LHPP: variants seen among roughly 807,000 people sequenced by gnomAD.
LHPP encodes the protein hLHPP.
Under a neutral mutation model 30.3 loss-of-function variants are expected in LHPP, and 24 were observed. The ratio of observed to expected loss-of-function variants is 0.79; its 90% confidence interval spans 0.57 to 1.11. LHPP has a LOEUF of 1.11. LHPP is among the 50% of genes most tolerant of loss of function. The pLI, the probability that LHPP is intolerant of heterozygous loss-of-function variation, is 0.00. For missense variants in LHPP, 356 were observed against 367.2 expected, an observed-to-expected ratio of 0.97 and a Z score of 0.25; for synonymous variants, 150 against 157.1, an observed-to-expected ratio of 0.95 and a Z score of 0.34.
intron 6 of LHPP, among the ~76,000 whole-genome samples, chr10:124,530,597 T>C (rs996100897): frequency 6.6e-6 from 1 of 151,782 alleles, no homozygotes; most frequent in Non-Finnish European, 1.5e-5. Context: ...AGGCCACACA[T>C]GTGGGCCTGC....
At chr10:124,580,971 G>A (rs756655281) in intron 6 of LHPP, among the ~76,000 whole-genome samples, 13 of 152,092 alleles carry the variant, frequency 8.5e-5, no homozygotes, top group Admixed American at 1.3e-4. Context: ...GGATCCACCC[G>A]CCTTGGCCTC....
chr10:124,611,823 A>G (rs1359743910), intron 6 of LHPP, among the ~76,000 whole-genome samples: 2 of 152,146 alleles, frequency 1.3e-5, no homozygotes, highest in East Asian at 1.9e-4. Flanking sequence ...AACCAACTTC[A>G]AGCACTTCCT....
intron 3 of LHPP, among the ~76,000 whole-genome samples, chr10:124,491,818 G>A (rs766036701): frequency 9.2e-5 from 14 of 152,132 alleles, no homozygotes; most frequent in South Asian, 2.1e-4. Context: ...CCAGCTACTC[G>A]GGAGGCTGAC....
At chr10:124,565,563 C>T (rs561977777) in intron 6 of LHPP, among the ~76,000 whole-genome samples, 9 of 152,308 alleles carry the variant, frequency 5.9e-5, no homozygotes, top group Admixed American at 3.3e-4. Flanking sequence ...ATCACTCTGA[C>T]CCTGTGCCCT....
chr10:124,597,666 G>A (rs74160943), intron 6 of LHPP, among the ~76,000 whole-genome samples: 1,869 of 152,144 alleles, frequency 0.012, 35 homozygotes, highest in African/African-American at 0.042. Flanking sequence ...CATGTGGTTT[G>A]GCCTGAAAAA....
At position 124,548,607 on chromosome 10, in the gene LHPP, C is replaced by T. The variant is rs147452056; in HGVS notation, c.716+31336C>T. On this transcript the variant is annotated intron_variant, in intron 6 of 6. Coordinates refer to ENST00000368842, the MANE Select transcript of LHPP (RefSeq NM_022126.4). ...CTGGGGTTCCTGGCTTTGGCCTGCACGGCTGGGTGGGAGGAGGGCATGGGA... is the reference window on the plus strand; with the variant it reads ...CTGGGGTTCCTGGCTTTGGCCTGCATGGCTGGGTGGGAGGAGGGCATGGGA... Among the ~76,000 whole-genome samples the T allele has an allele frequency of 3.9e-3, 590 of 152,284 alleles. 5 individuals are homozygous for T. Among genetic ancestry groups the T allele is most frequent in the African/African-American group, 0.012 (511 of 41,564 alleles).
At chr10:124,500,835 AC>A (rs1782988394) in intron 5 of LHPP, among the ~76,000 whole-genome samples, 1 of 152,024 alleles carries the variant, frequency 6.6e-6, no homozygotes, top group Non-Finnish European at 1.5e-5. Flanking sequence ...ACGGAAAGCC[AC>A]TTGGTGGTTC....
At chr10:124,562,561 C>T (rs61870230) in intron 6 of LHPP, among the ~76,000 whole-genome samples, 35,431 of 151,946 alleles carry the variant, frequency 0.23, 4,762 homozygotes, top group Non-Finnish European at 0.29. Flanking sequence ...AGCAAATAAG[C>T]ACATAAAAAG....
At chr10:124,462,060 G>A (rs984249861) in intron 1 of LHPP, 73 bp downstream of exon 1, 1 of 1,164,334 alleles carries the variant, frequency 8.6e-7, no homozygotes, top group Non-Finnish European at 1.1e-6. Context: ...GCCGGCAGGG[G>A]GCGGGGCGGC....
In LHPP at chr10:124,596,937, C is replaced by T. The variant is rs1948951072; in HGVS notation, c.717-16327C>T. On this transcript the variant is annotated intron_variant, in intron 6 of 6. Transcript: ENST00000368842. This position sits in a 1 kb window ranked among gnomAD's most constrained non-coding sequence, Gnocchi z 4.6. ...GAGTCGGTGGACCGGGTGACGGAGA[C>T]CCACCCTCCGTGTGGGTGGGCACCA... Among the ~76,000 whole-genome samples the T allele has an allele frequency of 6.6e-6, 1 of 152,164 alleles. No individual in the cohort carries two copies. Among genetic ancestry groups the T allele is most frequent in the South Asian group, 2.1e-4 (1 of 4,824 alleles).
chr10:124,570,377 C>T (rs1418384768), intron 6 of LHPP, among the ~76,000 whole-genome samples: 1 of 152,182 alleles, frequency 6.6e-6, no homozygotes, highest in Non-Finnish European at 1.5e-5. Flanking sequence ...GGCCCAGGGG[C>T]CTTTGGAATG....
intron 5 of LHPP, among the ~76,000 whole-genome samples, chr10:124,514,377 T>G (rs1564803184): frequency 6.6e-6 from 1 of 152,236 alleles, no homozygotes; most frequent in Non-Finnish European, 1.5e-5. Flanking sequence ...GTAGGGTAGA[T>G]CTCTTGGTGA....
At chr10:124,498,468 T>G (rs1205636583) in intron 5 of LHPP, 7 of 1,475,720 alleles carry the variant, frequency 4.7e-6, no homozygotes, top group Non-Finnish European at 6.3e-6. Context: ...ACAGCAAGAT[T>G]ACAACAATAT....
At chr10:124,603,510 A>G (rs893562386) in intron 6 of LHPP, among the ~76,000 whole-genome samples, 1 of 151,918 alleles carries the variant, frequency 6.6e-6, no homozygotes, top group African/African-American at 2.4e-5. Context: ...CAGAGAGGTG[A>G]GGGACCCAGA....
chr10:124,508,240 G>T (rs1282635542), intron 5 of LHPP, among the ~76,000 whole-genome samples: 3 of 152,070 alleles, frequency 2.0e-5, no homozygotes, highest in African/African-American at 7.3e-5. Context: ...AACTCTGTTG[G>T]CTGAGCCCCA....
At chr10:124,533,040 G>A (rs1415090779) in intron 6 of LHPP, among the ~76,000 whole-genome samples, 1 of 152,202 alleles carries the variant, frequency 6.6e-6, no homozygotes, top group Non-Finnish European at 1.5e-5. Context: ...TTACTTCCCA[G>A]GTATCCTCAG....
intron 6 of LHPP, chr10:124,553,963 A>G (rs1948238103): frequency 2.0e-6 from 2 of 985,256 alleles, no homozygotes; most frequent in African/African-American, 3.5e-5. Flanking sequence ...TCCTTGCGGC[A>G]CCATGCTCTG....
At chr10:124,519,177 A>C (rs1589823016) in intron 6 of LHPP, among the ~76,000 whole-genome samples, 1 of 152,054 alleles carries the variant, frequency 6.6e-6, no homozygotes. Context: ...CGAACTCCTG[A>C]CCTCAGGCGA....
chr10:124,502,324 TC>T (rs1239125354), intron 5 of LHPP, among the ~76,000 whole-genome samples: 1 of 151,924 alleles, frequency 6.6e-6, no homozygotes, highest in African/African-American at 2.4e-5. Context: ...GGAGGTGTCT[TC>T]CAGAGTTCTC....
Sources: gnomAD v4.1 joint callset for allele counts (sites outside exome capture counted in the v4.1 genomes callset) on GRCh38, gnomAD v4.1.1 for gene constraint, Gnocchi (gnomAD v3.1) non-coding constraint, MANE v1.5 for transcripts, NCBI Gene and HGNC (gene_info 2026-07-23, HGNC 2026-07-21) for gene names.